The following TBC1D22B variants were observed in gnomAD, a reference collection of about 807,000 sequenced individuals.
TBC1D22B encodes the protein chromosome 6 open reading frame 197.
A neutral mutation model predicts 69.1 loss-of-function variants in TBC1D22B; 32 were observed. That is an observed-to-expected ratio of 0.46 (90% CI 0.35 to 0.62). The LOEUF (loss-of-function observed/expected upper bound fraction) is 0.62, where lower values mean the gene tolerates loss of function less well. Among genes scored for constraint, TBC1D22B ranks in the 20% least tolerant of loss-of-function variants. The pLI is 0.00. For synonymous variants in TBC1D22B, 206 were observed against 229.8 expected (o/e 0.90, Z 0.94); for missense variants, 462 against 630.9 (o/e 0.73, Z 2.87).
chr6:37,282,479 C>G (rs937175358), intron 4 of TBC1D22B, 115 bp downstream of exon 4: 8 of 1,250,670 alleles, frequency 6.4e-6, no homozygotes, highest in Non-Finnish European at 8.7e-6. Flanking sequence ...TTCTCCTGAC[C>G]TGGTGCCCAT....
chr6:37,304,048 A>T (rs1177672580), intron 8 of TBC1D22B, among the ~76,000 whole-genome samples: 1 of 152,244 alleles, frequency 6.6e-6, no homozygotes, highest in Non-Finnish European at 1.5e-5. Context: ...TGAAAATTCC[A>T]TAACTGCAGA....
At chr6:37,304,689 T>TG in intron 8 of TBC1D22B, among the ~76,000 whole-genome samples, 1 of 152,262 alleles carries the variant, frequency 6.6e-6, no homozygotes, top group African/African-American at 2.4e-5. Flanking sequence ...TCTATTTGGA[T>TG]GGGGGCATTT....
At chr6:37,272,253 C>G (rs1234080053) in intron 2 of TBC1D22B, among the ~76,000 whole-genome samples, 3 of 151,678 alleles carry the variant, frequency 2.0e-5, no homozygotes, top group Non-Finnish European at 2.9e-5. Context: ...TTTGTAGAGA[C>G]ACGGTTTTGC....
intron 8 of TBC1D22B, chr6:37,295,517 A>G (rs1452134892): frequency 9.1e-6 from 3 of 328,596 alleles, no homozygotes; most frequent in South Asian, 5.8e-5. Context: ...AAGATTTCCA[A>G]TAATTACTGA....
chr6:37,313,519 G>A (rs1767989351), intron 9 of TBC1D22B, among the ~76,000 whole-genome samples: 1 of 151,386 alleles, frequency 6.6e-6, no homozygotes, highest in South Asian at 2.1e-4. Context: ...CAGTGATGGT[G>A]TAGTGTCCCT....
At chr6:37,311,181 G>A (rs1767899859) in intron 8 of TBC1D22B, among the ~76,000 whole-genome samples, 1 of 45,132 alleles carries the variant, frequency 2.2e-5, no homozygotes, top group Non-Finnish European at 4.2e-5. Flanking sequence ...CCTTCAAGTT[G>A]GATTTTTTTT....
chr6:37,274,684 T>A (rs1766606228), intron 2 of TBC1D22B, among the ~76,000 whole-genome samples: 1 of 152,140 alleles, frequency 6.6e-6, no homozygotes, highest in African/African-American at 2.4e-5. Flanking sequence ...TATCGTACAG[T>A]TGTAAGGAGG....
Position 37,285,315 on chromosome 6 carries a change from C to CTTTTTTTTTTTTTTTTTTTTTTTTTT in TBC1D22B, c.801+853_801+878dup, listed in dbSNP as rs756459599. Among the ~76,000 whole-genome samples, 8 of 73,552 alleles carry CTTTTTTTTTTTTTTTTTTTTTTTTTT rather than the reference C, an allele frequency of 1.1e-4. 2 individuals are homozygous for CTTTTTTTTTTTTTTTTTTTTTTTTTT. The highest frequency in any genetic ancestry group is 4.7e-4 in the African/African-American group (8 of 16,848). The allele number at this position is 73,552 out of a possible 152,430, so 48.3% of individuals were successfully genotyped here. A position where few individuals can be genotyped will look rare whatever the true frequency, so the allele number is the denominator to read the frequency against. ...GCCAACTCCTTTTGGTCCTTCCCCA[C>CTTTTTTTTTTTTTTTTTTTTTTTTTT]TTTTTTTTTTTTTTTTTTTTTTTTT... On this transcript the variant is annotated intron_variant, in intron 6 of 12. Transcript: ENST00000373491.
At chr6:37,283,048 C>A in intron 5 of TBC1D22B, 96 bp downstream of exon 5, 1 of 956,214 alleles carries the variant, frequency 1.0e-6, no homozygotes, top group East Asian at 2.5e-5. Flanking sequence ...ACTCCATAGA[C>A]TTCTCTAGTC....
intron 11 of TBC1D22B, 99 bp from the exon 12 acceptor site, chr6:37,317,012 G>A (rs2113785620): frequency 6.8e-7 from 1 of 1,470,780 alleles, no homozygotes; most frequent in East Asian, 2.4e-5. Flanking sequence ...CCCCAACCGT[G>A]AAAGAGTTTC....
At chr6:37,304,056 A>T (rs1767640491) in intron 8 of TBC1D22B, among the ~76,000 whole-genome samples, 1 of 152,258 alleles carries the variant, frequency 6.6e-6, no homozygotes, top group Admixed American at 6.5e-5. Flanking sequence ...CCATAACTGC[A>T]GAATACTCAG....
intron 8 of TBC1D22B, among the ~76,000 whole-genome samples, chr6:37,298,686 C>T (rs906540037): frequency 4.6e-5 from 7 of 151,972 alleles, no homozygotes; most frequent in African/African-American, 1.2e-4. Context: ...GCTGGGACTA[C>T]AGGCGCCCGC....
At chr6:37,316,998 A>G (rs1768103989) in intron 11 of TBC1D22B, 113 bp from the exon 12 acceptor site, 15 of 1,456,826 alleles carry the variant, frequency 1.0e-5, no homozygotes, top group Non-Finnish European at 1.3e-5. Flanking sequence ...TCAGAACTCC[A>G]TCTCCCCAAC....
intron 2 of TBC1D22B, among the ~76,000 whole-genome samples, chr6:37,271,655 G>T (rs935388374): frequency 6.6e-6 from 1 of 152,144 alleles, no homozygotes; most frequent in Admixed American, 6.5e-5. Flanking sequence ...AAAGTATTTT[G>T]AATACCTAGA....
At chr6:37,303,684 G>A (rs948449941) in intron 8 of TBC1D22B, among the ~76,000 whole-genome samples, 22 of 152,014 alleles carry the variant, frequency 1.4e-4, no homozygotes, top group African/African-American at 4.8e-4. Flanking sequence ...TCCCTGCTTC[G>A]CCCCTTAAAC....
intron 8 of TBC1D22B, among the ~76,000 whole-genome samples, chr6:37,291,649 T>G (rs1767188079): frequency 6.6e-6 from 1 of 152,202 alleles, no homozygotes; most frequent in African/African-American, 2.4e-5. Context: ...ATTTTGAACT[T>G]GTTTCCGACA....
chr6:37,282,762 G>A, intron 4 of TBC1D22B, 120 bp from the exon 5 acceptor site: 2 of 967,090 alleles, frequency 2.1e-6, no homozygotes, highest in Non-Finnish European at 3.3e-6. Flanking sequence ...TGTGCTTATG[G>A]GTAGCAGGTG....
At chr6:37,266,928 G>A (rs1466843249) in intron 1 of TBC1D22B, among the ~76,000 whole-genome samples, 3 of 108,448 alleles carry the variant, frequency 2.8e-5, no homozygotes, top group South Asian at 2.8e-4. Flanking sequence ...TATTTTCTTC[G>A]TCTTTTTTTT....
chr6:37,279,661 A>C (rs1278337715), intron 3 of TBC1D22B, 50 bp downstream of exon 3: 1 of 1,531,866 alleles, frequency 6.5e-7, no homozygotes, highest in Non-Finnish European at 8.8e-7. Flanking sequence ...AGCAGCGTGC[A>C]TTTTAAATAA....
Sources: gnomAD v4.1 joint callset for allele counts (sites outside exome capture counted in the v4.1 genomes callset) on GRCh38, gnomAD v4.1.1 for gene constraint, MANE v1.5 for transcripts, NCBI Gene and HGNC (gene_info 2026-07-23, HGNC 2026-07-21) for gene names.